NBAS: variants seen among roughly 807,000 people sequenced by gnomAD.
The protein encoded by NBAS is NBAS subunit of NRZ tethering complex.
A neutral mutation model predicts 302.5 loss-of-function variants in NBAS; 219 were observed. The observed-to-expected ratio is 0.72, with a 90% CI of 0.65 to 0.81. NBAS has a LOEUF of 0.81. Ranked by LOEUF, NBAS falls within the 30% of genes least tolerant of loss-of-function variation. NBAS has a pLI of 0.00. For synonymous variants in NBAS, 1,118 were observed against 1,021.6 expected, an observed-to-expected ratio of 1.09 and a Z score of -1.80; for missense variants, 2,932 against 2,841.6, an observed-to-expected ratio of 1.03 and a Z score of -0.72.
At chr2:14,888,942 C>T in the NBAS span, among the ~76,000 whole-genome samples, 81 of 152,332 alleles carry the variant, frequency 5.3e-4, no homozygotes, top group African/African-American at 1.9e-3. Context: ...TTGCACTTTG[C>T]TGAATGTTCC....
chr2:15,012,519 G>A, the NBAS span, among the ~76,000 whole-genome samples: 1 of 152,122 alleles, frequency 6.6e-6, no homozygotes, highest in East Asian at 1.9e-4. Flanking sequence ...TCTAAGTCTT[G>A]GGAGAGAGAT....
chr2:15,551,680 G>A, intron 5 of NBAS, 144 bp from the exon 6 acceptor site: 2 of 607,560 alleles, frequency 3.3e-6, no homozygotes, highest in Non-Finnish European at 3.0e-6. Context: ...GCTCAATTAT[G>A]ACCCTTTTGT....
chr2:15,038,695 C>T, the NBAS span, among the ~76,000 whole-genome samples: 111,981 of 150,272 alleles, frequency 0.75, 42,071 homozygotes, highest in East Asian at 0.99. Flanking sequence ...CCTTCCTCCC[C>T]GAGGACAAGC....
At chr2:14,861,028 C>T in the NBAS span, among the ~76,000 whole-genome samples, 1 of 152,176 alleles carries the variant, frequency 6.6e-6, no homozygotes, top group African/African-American at 2.4e-5. Flanking sequence ...TTTAAAAGGC[C>T]ATATGCAAGC....
chr2:15,365,763 T>C (rs1038288607), intron 32 of NBAS, among the ~76,000 whole-genome samples: 2 of 152,146 alleles, frequency 1.3e-5, no homozygotes, highest in African/African-American at 4.8e-5. Context: ...AAATATTTAG[T>C]CCATTAAATA....
the NBAS span, among the ~76,000 whole-genome samples, chr2:15,156,319 G>A: frequency 6.6e-6 from 1 of 152,206 alleles, no homozygotes; most frequent in African/African-American, 2.4e-5. Flanking sequence ...CAGGGGGATA[G>A]GTTGTCAGGC....
At chr2:15,268,606 G>A (rs1052250605) in intron 44 of NBAS, among the ~76,000 whole-genome samples, 4 of 152,178 alleles carry the variant, frequency 2.6e-5, no homozygotes, top group African/African-American at 7.2e-5. Flanking sequence ...GGGCCACCTC[G>A]CTGGAGCCCA....
the NBAS span, among the ~76,000 whole-genome samples, chr2:14,814,722 G>C: frequency 1.3e-5 from 2 of 152,300 alleles, no homozygotes; most frequent in African/African-American, 2.4e-5. Context: ...TAAGACTTTG[G>C]GGGGATTGTT....
chr2:15,218,071 G>A (rs934873088), intron 48 of NBAS, among the ~76,000 whole-genome samples: 11 of 152,102 alleles, frequency 7.2e-5, no homozygotes, highest in African/African-American at 2.7e-4. Flanking sequence ...TAGGGAGAAG[G>A]GACAGCATTT....
the NBAS span, among the ~76,000 whole-genome samples, chr2:14,950,789 A>G: frequency 2.0e-5 from 3 of 152,368 alleles, no homozygotes; most frequent in South Asian, 6.2e-4. Flanking sequence ...ATTTGATAAA[A>G]AAAGAAAGTA....
chr2:15,119,139 G>A, the NBAS span, among the ~76,000 whole-genome samples: 1 of 152,052 alleles, frequency 6.6e-6, no homozygotes, highest in East Asian at 1.9e-4. Context: ...GAATTCCTCT[G>A]TGTCTCTAGG....
At chr2:14,825,173 C>G in the NBAS span, among the ~76,000 whole-genome samples, 1 of 152,120 alleles carries the variant, frequency 6.6e-6, no homozygotes, top group Admixed American at 6.5e-5. Context: ...GATCCAGCTA[C>G]TGAACAAGGA....
chr2:15,157,820 AGGTGACCCTGCGTG>A, the NBAS span, among the ~76,000 whole-genome samples: 2 of 152,192 alleles, frequency 1.3e-5, no homozygotes, highest in Non-Finnish European at 2.9e-5. Context: ...GCTTGTGACT[AGGTGACCCTGCGTG>A]TGTCACTTAG....
intron 50 of NBAS, among the ~76,000 whole-genome samples, chr2:15,183,923 A>C (rs1276125279): frequency 6.6e-6 from 1 of 152,190 alleles, no homozygotes; most frequent in Non-Finnish European, 1.5e-5. Flanking sequence ...AGACCCCTGC[A>C]AATAAACTTA....
At chr2:15,253,999 G>A (rs1668473358) in intron 44 of NBAS, among the ~76,000 whole-genome samples, 1 of 152,136 alleles carries the variant, frequency 6.6e-6, no homozygotes, top group Non-Finnish European at 1.5e-5. Flanking sequence ...AGGCTAAGAG[G>A]AGAGAGGAAC....
intron 28 of NBAS, among the ~76,000 whole-genome samples, chr2:15,388,136 A>G (rs889082264): frequency 1.3e-5 from 2 of 152,232 alleles, no homozygotes; most frequent in Non-Finnish European, 2.9e-5. Context: ...GATTCTTCCA[A>G]TCTATAAACA....
the NBAS span, among the ~76,000 whole-genome samples, chr2:15,037,686 CT>C: frequency 1.3e-5 from 2 of 151,926 alleles, no homozygotes; most frequent in African/African-American, 2.4e-5. Flanking sequence ...GAAAACAAGC[CT>C]TTTTTATTTT....
the NBAS span, among the ~76,000 whole-genome samples, chr2:14,918,910 C>T: frequency 6.6e-6 from 1 of 151,942 alleles, no homozygotes; most frequent in African/African-American, 2.4e-5. Context: ...TGTCCTGAAC[C>T]AGGACAGAAG....
chr2:15,144,461 A>G, the NBAS span, among the ~76,000 whole-genome samples: 1 of 152,344 alleles, frequency 6.6e-6, no homozygotes, highest in East Asian at 1.9e-4. Context: ...TGATTCAGAT[A>G]CAATTGCATT....
Sources: gnomAD v4.1 joint callset for allele counts (sites outside exome capture counted in the v4.1 genomes callset) on GRCh38, gnomAD v4.1.1 for gene constraint, MANE v1.5 for transcripts, NCBI Gene and HGNC (gene_info 2026-07-23, HGNC 2026-07-21) for gene names.